PTPN23: variants seen among roughly 807,000 people sequenced by gnomAD.
PTPN23 encodes the protein protein tyrosine phosphatase non-receptor type 23.
A neutral mutation model predicts 156.3 loss-of-function variants in PTPN23; 72 were observed. That is an observed-to-expected ratio of 0.46 (90% CI 0.38 to 0.56). PTPN23 has a LOEUF of 0.56. PTPN23 is among the 20% of genes least tolerant of loss of function. The probability of loss-of-function intolerance (pLI) is 0.00; values close to 1 mark genes in which losing one functional copy is unlikely to be tolerated. For synonymous variants in PTPN23, 957 were observed against 899.6 expected (o/e 1.06, Z -1.14); for missense variants, 1,974 against 2,171.5 (o/e 0.91, Z 1.81).
intron 2 of PTPN23, among the ~76,000 whole-genome samples, chr3:47,403,332 G>T (rs928873904): frequency 3.3e-5 from 5 of 152,082 alleles, no homozygotes; most frequent in African/African-American, 1.2e-4. Flanking sequence ...GATTACAGGC[G>T]TGAGCCACTG....
At chr3:47,401,472 G>T (rs1366035029) in intron 2 of PTPN23, among the ~76,000 whole-genome samples, 2 of 152,138 alleles carry the variant, frequency 1.3e-5, no homozygotes, top group Non-Finnish European at 2.9e-5. Context: ...CTCCCAAAGT[G>T]CTGGGATTAT....
rs893628234 is a variant in PTPN23 at position 47,409,446 on chromosome 3, T to A, written c.1827T>A (p.Tyr609Ter). 1 of 1,614,148 alleles carries A rather than the reference T, an allele frequency of 6.2e-7. No homozygotes were observed. Among genetic ancestry groups the A allele is most frequent in the South Asian group, 1.1e-5 (1 of 91,090 alleles). ...KKLFEEQLKK[Y>*]DQLKVYLEQN... ...TGTTCGAGGAGCAGCTGAAAAAGTA[T>A]GACCAGCTGAAGGTGTACCTGGAGC... The change falls in exon 18 of 25, where the codon TAT becomes TAA. Residue 609 changes from tyrosine (Y) to a stop codon, truncating the protein, a stop_gained. Coordinates refer to ENST00000265562, the MANE Select transcript of PTPN23 (RefSeq NM_015466.4). LOFTEE classifies it high-confidence loss of function.
rs372632606 is a variant in PTPN23 at position 47,410,440 on chromosome 3, C to G, written c.2642C>G (p.Thr881Ser). 31 of 1,611,586 alleles carry G rather than the reference C, an allele frequency of 1.9e-5. No individual in the cohort carries two copies. Among genetic ancestry groups the G allele is most frequent in the Non-Finnish European group, 2.6e-5 (31 of 1,179,422 alleles). ...PELAMAVRPA[T>S]TTVDSIQAPI... The stretch of plus-strand genomic sequence containing the variant: ...TTGGCCATGGCGGTTCGGCCAGCCA[C>G]CACCACAGTAGATAGCATCCAGGCG... Residue 881 changes from threonine to serine, a missense_variant, in exon 20 of 25, where the codon ACC (threonine) becomes AGC (serine). Transcript: ENST00000265562.
At chr3:47,386,224 G>T (rs1704649846) in intron 1 of PTPN23, among the ~76,000 whole-genome samples, 1 of 151,832 alleles carries the variant, frequency 6.6e-6, no homozygotes, top group Non-Finnish European at 1.5e-5. Context: ...GGGTATAAAT[G>T]GTGCAATCTT....
In PTPN23 at chr3:47,412,344, G is replaced by A; in HGVS notation, c.4240G>A (p.Ala1414Thr). Residue 1414 changes from alanine (A) to threonine (T), a missense_variant, in exon 23 of 25, where the codon GCT (alanine) becomes ACT (threonine). This residue lies in a region of PTPN23 where 484 missense variants were observed against 516.0 expected (regional missense o/e 0.94). Transcript: ENST00000265562. Reference protein sequence around the residue: ...LLYAAVQEVEAGNGIPELPQL... With the variant: ...LLYAAVQEVETGNGIPELPQL... ...CTATGCAGCTGTGCAGGAGGTGGAG[G>A]CTGGGAACGGAATCCCTGAGCTGCC... The A allele has an allele frequency of 1.2e-6, 2 of 1,613,346 alleles. No individual in the cohort carries two copies. Among genetic ancestry groups the A allele is most frequent in the Non-Finnish European group, 8.5e-7 (1 of 1,180,020 alleles).
Position 47,410,882 on chromosome 3 carries a change from A to C in PTPN23, c.3084A>C (p.Pro1028=). The C allele has an allele frequency of 6.3e-7, 1 of 1,577,658 alleles. No individual in the cohort carries two copies. The highest frequency in any genetic ancestry group is 8.6e-7 in the Non-Finnish European group (1 of 1,166,312). The change falls in exon 20 of 25, where the codon CCA becomes CCC. Residue 1028 remains proline, a synonymous_variant. Transcript: ENST00000265562. ...CAGGTCCCGCTCAAGACCCTCTGCC[A>C]GCCCACTCAGGGGCTCTGCCTTTCC... is the stretch of plus-strand genomic sequence containing the variant. ...LYPGPAQDPL[P]AHSGALPFPS... is the part of the protein sequence containing the mutation.
Position 47,406,546 on chromosome 3 carries a change from C to T in PTPN23, c.693C>T (p.Gly231=), listed in dbSNP as rs145933393. The change falls in exon 8 of 25, where the codon GGC becomes GGT. Residue 231 remains glycine (G), a synonymous_variant. Coordinates refer to ENST00000265562, the MANE Select transcript of PTPN23 (RefSeq NM_015466.4). This position sits in a 1 kb window ranked among gnomAD's most constrained non-coding sequence, Gnocchi z 5.8. The part of the protein sequence containing the change: ...LENPDTASLL[G]RIQKDWKKLV... Reference sequence around the variant, plus strand: ...ACCCCGACACTGCCTCACTGCTGGGCCGGATCCAGAAGGACTGGAAGAAAC... The same window carrying T: ...ACCCCGACACTGCCTCACTGCTGGGTCGGATCCAGAAGGACTGGAAGAAAC... 2.7e-4 allele frequency: 441 copies of T among 1,614,010 alleles called. No individual in the cohort carries two copies. The African/African-American group carries it at 4.9e-3, about 18-fold the overall frequency.
Position 47,408,773 on chromosome 3 carries a change from C to T in PTPN23, c.1331-3C>T. 3 of 1,582,092 alleles carry T rather than the reference C, an allele frequency of 1.9e-6. No individual in the cohort carries two copies. Among genetic ancestry groups the T allele is most frequent in the Non-Finnish European group, 2.6e-6 (3 of 1,162,484 alleles). On this transcript the variant is annotated splice_region_variant and splice_polypyrimidine_tract_variant and intron_variant, in intron 15 of 24. Transcript: ENST00000265562. ...GGGCTGCCTGTACAATCCACAACCCCAGTGCTGTCAGGTGTGTTCACGGAT... is the reference window on the plus strand; with the variant it reads ...GGGCTGCCTGTACAATCCACAACCCTAGTGCTGTCAGGTGTGTTCACGGAT...
In PTPN23 at chr3:47,410,669, C is replaced by G. The variant is rs1705257441; in HGVS notation, c.2871C>G (p.Pro957=). ...CAAGGATTGGGCCCCAGCCCCAGCC[C>G]CATCCTCAGCCCCATCCTTCACAAG... ...PAPRIGPQPQ[P]HPQPHPSQAF... is the part of the protein sequence containing the mutation. Residue 957 remains proline (P), a synonymous_variant, in exon 20 of 25, where the codon CCC becomes CCG. Coordinates refer to ENST00000265562, the MANE Select transcript of PTPN23 (RefSeq NM_015466.4). 15 of 1,604,694 alleles carry G rather than the reference C, an allele frequency of 9.3e-6. No homozygotes were observed. Among genetic ancestry groups the G allele is most frequent in the Non-Finnish European group, 1.3e-5 (15 of 1,173,282 alleles).
At chr3:47,402,245 T>C (rs1705010583) in intron 2 of PTPN23, among the ~76,000 whole-genome samples, 1 of 152,160 alleles carries the variant, frequency 6.6e-6, no homozygotes, top group Non-Finnish European at 1.5e-5. Flanking sequence ...TAAATACATG[T>C]CTGTCAGATG....
rs542694471 is a variant in PTPN23 at position 47,381,582 on chromosome 3, G to A, written c.84+402G>A. 9.9e-5 allele frequency among the ~76,000 whole-genome samples: 15 copies of A among 152,252 alleles called. No homozygotes were observed. The South Asian group carries it at 2.5e-3, about 25-fold the overall frequency. On this transcript the variant is annotated intron_variant, in intron 1 of 24. Coordinates refer to ENST00000265562, the MANE Select transcript of PTPN23 (RefSeq NM_015466.4). Reference sequence around the variant, plus strand: ...GATTCTTTTGCTGCGCCCGGCCCTCGGTGCGCTGTCAAGTCCACGCCCGCC... The same window carrying A: ...GATTCTTTTGCTGCGCCCGGCCCTCAGTGCGCTGTCAAGTCCACGCCCGCC...
intron 1 of PTPN23, among the ~76,000 whole-genome samples, chr3:47,382,737 GGA>G (rs1299956092): frequency 8.6e-6 from 1 of 116,084 alleles, no homozygotes; most frequent in East Asian, 2.8e-4. Flanking sequence ...CACCCAGGCT[GGA>G]GTGCAGTGGC....
In PTPN23 at chr3:47,411,000, A is replaced by G. The variant is rs1412548357; in HGVS notation, c.3202A>G (p.Thr1068Ala). 1 of 1,596,954 alleles carries G rather than the reference A, an allele frequency of 6.3e-7. No homozygotes were observed. Among genetic ancestry groups the G allele is most frequent in the Admixed American group, 1.7e-5 (1 of 58,624 alleles). ...RPMGPQAAPL[T>A]IRGPSSAGQS... ...CATGGGCCCCCAGGCAGCCCCTCTT[A>G]CCATTCGAGGGCCCTCGTCTGCTGG... Residue 1068 changes from threonine to alanine, a missense_variant, in exon 20 of 25, where the codon ACC becomes GCC. Physicochemically the swap from Thr to Ala is moderately conservative, Grantham distance 58 (BLOSUM62 0). Around this residue, in one of 4 missense-constraint regions of PTPN23, gnomAD observed 731 missense variants for 669.1 expected, o/e 1.09. Transcript: ENST00000265562.
chr3:47,413,057 C>G lies in PTPN23; in HGVS notation c.4783C>G (p.Arg1595Gly). 6.2e-7 allele frequency: 1 copy of G among 1,612,952 alleles called. No homozygotes were observed. Among genetic ancestry groups the G allele is most frequent in the Non-Finnish European group, 8.5e-7 (1 of 1,180,012 alleles). Residue 1595 changes from arginine (R) to glycine (G), a missense_variant, in exon 25 of 25, where the codon CGG (arginine) becomes GGG (glycine). Arg to Gly is a moderately radical substitution (Grantham distance 125, BLOSUM62 -2). Coordinates refer to ENST00000265562, the MANE Select transcript of PTPN23 (RefSeq NM_015466.4). The stretch of plus-strand genomic sequence containing the variant: ...GGCCTTCTCCCTGGACAGCTCCCTG[C>G]GGGGCAAACAGCGGATGAGCAAGCA... The part of the protein sequence containing the change: ...PEAFSLDSSL[R>G]GKQRMSKHNF...
chr3:47,408,469 A>T lies in PTPN23; in HGVS notation c.1309A>T (p.Asn437Tyr). Residue 437 changes from asparagine (N) to tyrosine (Y), a missense_variant, in exon 15 of 25, where the codon AAC becomes TAC. Coordinates refer to ENST00000265562, the MANE Select transcript of PTPN23 (RefSeq NM_015466.4). Reference sequence around the variant, plus strand: ...CAGCGTCCGGCCCGACACTGTCAGGAACCTTGTACAGTCCATGCAAGGTGA... The same window carrying T: ...CAGCGTCCGGCCCGACACTGTCAGGTACCTTGTACAGTCCATGCAAGGTGA... ...ALSVRPDTVR[N>Y]LVQSMQVLSG... 4 of 1,613,938 alleles carry T rather than the reference A, an allele frequency of 2.5e-6. No individual in the cohort carries two copies. Among genetic ancestry groups the T allele is most frequent in the Non-Finnish European group, 3.4e-6 (4 of 1,179,900 alleles).
chr3:47,403,766 C>A (rs1042462561), intron 2 of PTPN23, among the ~76,000 whole-genome samples: 1 of 151,908 alleles, frequency 6.6e-6, no homozygotes, highest in Non-Finnish European at 1.5e-5. Flanking sequence ...TGGCCTCAAG[C>A]GATCCTCCCA....
chr3:47,396,784 G>A (rs1261461422), intron 2 of PTPN23, among the ~76,000 whole-genome samples: 1 of 152,092 alleles, frequency 6.6e-6, no homozygotes, highest in East Asian at 1.9e-4. Flanking sequence ...AAATTAGCCA[G>A]GCATGATGGT....
In PTPN23 at chr3:47,411,028, A is replaced by G. The variant is rs1226979230; in HGVS notation, c.3230A>G (p.Gln1077Arg). The change falls in exon 20 of 25, where the codon CAG becomes CGG. Residue 1077 changes from glutamine (Q) to arginine (R), a missense_variant. Gln to Arg is a conservative substitution (Grantham distance 43). This residue lies in a region of PTPN23 where 731 missense variants were observed against 669.1 expected (regional missense o/e 1.09). Transcript: ENST00000265562. The surrounding 1 kb of genome is among the most constrained non-coding windows in gnomAD (Gnocchi z 6.3). ...LTIRGPSSAG[Q>R]STPSPHLVPS... Reference sequence around the variant, plus strand: ...ATTCGAGGGCCCTCGTCTGCTGGCCAGTCCACCCCTAGTCCCCACCTGGTG... The same window carrying G: ...ATTCGAGGGCCCTCGTCTGCTGGCCGGTCCACCCCTAGTCCCCACCTGGTG... 1.3e-6 allele frequency: 2 copies of G among 1,588,436 alleles called. No individual in the cohort carries two copies. Among genetic ancestry groups the G allele is most frequent in the South Asian group, 2.3e-5 (2 of 86,776 alleles).
chr3:47,404,501 G>A (rs555425463), intron 2 of PTPN23, 151 bp from the exon 3 acceptor site: 4 of 883,484 alleles, frequency 4.5e-6, no homozygotes, highest in South Asian at 1.8e-5. Flanking sequence ...TTTGTTGAAC[G>A]ACTATAGGTA....
Sources: gnomAD v4.1 joint callset for allele counts (sites outside exome capture counted in the v4.1 genomes callset) on GRCh38, gnomAD v4.1.1 for gene constraint, gnomAD v4.1.1 regional missense constraint, Gnocchi (gnomAD v3.1) non-coding constraint, MANE v1.5 for transcripts, NCBI Gene and HGNC (gene_info 2026-07-23, HGNC 2026-07-21) for gene names.